MTREX: variants seen among roughly 807,000 people sequenced by gnomAD.
MTREX encodes the protein exosome RNA helicase MTR4.
MTREX carries 76 observed loss-of-function variants against 135.4 expected under a neutral mutation model. The observed-to-expected ratio is 0.56, with a 90% confidence interval of 0.47 to 0.68. MTREX has a LOEUF of 0.68. Ranked by LOEUF, MTREX falls within the 30% of genes least tolerant of loss-of-function variation. MTREX has a pLI of 0.00. For missense variants in MTREX, 920 were observed against 1,262.1 expected, an observed-to-expected ratio of 0.73 and a Z score of 4.11; for synonymous variants, 404 against 401.6, an observed-to-expected ratio of 1.01 and a Z score of -0.07.
intron 1 of MTREX, among the ~76,000 whole-genome samples, chr5:55,313,481 ATAAT>A (rs1749149342): frequency 6.6e-6 from 1 of 152,150 alleles, no homozygotes; most frequent in Non-Finnish European, 1.5e-5. Flanking sequence ...TGACAATTAC[ATAAT>A]TAAACTTTTT....
At chr5:55,328,174 T>G (rs571255940) in intron 4 of MTREX, among the ~76,000 whole-genome samples, 11 of 152,216 alleles carry the variant, frequency 7.2e-5, no homozygotes, top group African/African-American at 2.4e-4. Flanking sequence ...GCCAAGAAAT[T>G]TTTAAGGTTT....
At chr5:55,326,651 A>C (rs991968059) in intron 3 of MTREX, among the ~76,000 whole-genome samples, 4 of 152,098 alleles carry the variant, frequency 2.6e-5, no homozygotes, top group Admixed American at 6.5e-5. Flanking sequence ...TTGTTCTGCC[A>C]GTATTCTTGG....
chr5:55,424,875 A>T lies in MTREX; in HGVS notation c.*103A>T. The T allele has an allele frequency of 1.3e-6, 1 of 779,340 alleles. No individual in the cohort carries two copies. The highest frequency in any genetic ancestry group is 2.2e-6 in the Non-Finnish European group (1 of 461,068). The allele number at this position is 779,340 out of a possible 1,614,324, so 48.3% of individuals were successfully genotyped here. On this transcript the variant is annotated 3_prime_UTR_variant, in exon 27 of 27. Coordinates refer to ENST00000230640, the MANE Select transcript of MTREX (RefSeq NM_015360.5). Reference sequence around the variant, plus strand: ...TGGATTTGGTTCTCCCATACATTTTAATATGTATTATATTTAAATCAAACA... The same window carrying T: ...TGGATTTGGTTCTCCCATACATTTTTATATGTATTATATTTAAATCAAACA...
intron 1 of MTREX, among the ~76,000 whole-genome samples, chr5:55,317,292 T>G (rs1240926379): frequency 6.6e-6 from 1 of 152,116 alleles, no homozygotes; most frequent in Non-Finnish European, 1.5e-5. Flanking sequence ...AAAACTACTT[T>G]AAAATTTATA....
intron 3 of MTREX, 97 bp downstream of exon 3, chr5:55,324,295 C>A (rs917912431): frequency 2.6e-6 from 2 of 757,780 alleles, no homozygotes; most frequent in Admixed American, 4.9e-5. Context: ...GCCATGAGGA[C>A]CTTGGAAACA....
intron 16 of MTREX, among the ~76,000 whole-genome samples, chr5:55,369,305 G>A (rs1248872699): frequency 6.6e-6 from 1 of 152,042 alleles, no homozygotes; most frequent in East Asian, 1.9e-4. Flanking sequence ...ACTTAAAAAA[G>A]GAAATTAAAG....
At chr5:55,346,871 A>G in intron 10 of MTREX, 142 bp from the exon 11 acceptor site, 1 of 597,366 alleles carries the variant, frequency 1.7e-6, no homozygotes, top group East Asian at 3.5e-5. Context: ...TTGTTGTCAT[A>G]TCTAAGAATG....
At chr5:55,354,397 T>C (rs1749876935) in intron 14 of MTREX, among the ~76,000 whole-genome samples, 1 of 152,160 alleles carries the variant, frequency 6.6e-6, no homozygotes, top group Non-Finnish European at 1.5e-5. Context: ...GATTTCTAGT[T>C]TGAATTCACA....
chr5:55,365,444 CT>C (rs1750086691), intron 15 of MTREX, among the ~76,000 whole-genome samples: 1 of 152,034 alleles, frequency 6.6e-6, no homozygotes, highest in South Asian at 2.1e-4. Context: ...GAAGTCTCCC[CT>C]TTTTCTGCAT....
intron 6 of MTREX, 22 bp from the exon 7 acceptor site, chr5:55,341,659 C>A (rs1749651109): frequency 2.2e-6 from 3 of 1,369,646 alleles, no homozygotes; most frequent in East Asian, 2.3e-5. Context: ...CAACTAAATA[C>A]ATTTTTTACT....
At chr5:55,402,401 G>A (rs1028800955) in intron 21 of MTREX, among the ~76,000 whole-genome samples, 6 of 152,150 alleles carry the variant, frequency 3.9e-5, no homozygotes, top group African/African-American at 7.2e-5. Context: ...CACCAGGGTC[G>A]GCCTTATGTT....
In MTREX at chr5:55,405,548, G is replaced by A. The variant is rs373764534; in HGVS notation, c.2605G>A (p.Val869Ile). The A allele has an allele frequency of 6.8e-6, 11 of 1,613,604 alleles. No individual in the cohort carries two copies. Among genetic ancestry groups the A allele is most frequent in the African/African-American group, 1.3e-5 (1 of 74,916 alleles). ...RRLGFATSSD[V>I]IEMKGRVACE... ...GTTGGGATTTGCTACTTCTTCTGATGTAATAGAGATGAAAGGACGAGTGGC... is the reference window on the plus strand; with the variant it reads ...GTTGGGATTTGCTACTTCTTCTGATATAATAGAGATGAAAGGACGAGTGGC... The change falls in exon 22 of 27, where the codon GTA (valine) becomes ATA (isoleucine). Residue 869 changes from valine to isoleucine, a missense_variant. Physicochemically the swap from Val to Ile is conservative, Grantham distance 29. This residue lies in a region of MTREX where 467 missense variants were observed against 589.7 expected (regional missense o/e 0.79). Coordinates refer to ENST00000230640, the MANE Select transcript of MTREX (RefSeq NM_015360.5).
intron 24 of MTREX, among the ~76,000 whole-genome samples, chr5:55,415,203 G>A (rs1417680693): frequency 6.6e-6 from 1 of 151,918 alleles, no homozygotes. Flanking sequence ...GAGAGTGGGA[G>A]GAAGGAGAGG....
chr5:55,332,673 C>G (rs1421270491), intron 5 of MTREX, among the ~76,000 whole-genome samples: 1 of 152,154 alleles, frequency 6.6e-6, no homozygotes, highest in African/African-American at 2.4e-5. Context: ...GGGCCCACCC[C>G]CTTGATAATT....
chr5:55,378,953 A>AT (rs1298615097), intron 17 of MTREX, among the ~76,000 whole-genome samples, 174 bp from the exon 18 acceptor site: 3 of 152,058 alleles, frequency 2.0e-5, no homozygotes, highest in African/African-American at 7.2e-5. Flanking sequence ...TTTGGCATTG[A>AT]TTTTTTTCCT....
chr5:55,324,024 A>G lies in MTREX; in HGVS notation c.273-108A>G, dbSNP rs1297496127. The stretch of plus-strand genomic sequence containing the variant: ...AGCCAAAGTTTTTCCTATTTGGAAT[A>G]CTGATGATTGGACAGTGTCATTTTC... On this transcript the variant is annotated intron_variant, in intron 2 of 26. Transcript: ENST00000230640. The G allele has an allele frequency of 9.4e-6, 7 of 741,718 alleles. No individual in the cohort carries two copies. In the East Asian group the frequency reaches 1.1e-4, roughly 12 times the overall value. 45.9% of individuals were successfully genotyped at this position (741,718 alleles called of 1,614,324 possible).
At chr5:55,404,357 A>T (rs1471552580) in intron 21 of MTREX, among the ~76,000 whole-genome samples, 2 of 152,234 alleles carry the variant, frequency 1.3e-5, no homozygotes, top group African/African-American at 4.8e-5. Context: ...AAAGGATGAC[A>T]TCAAGGTGAT....
chr5:55,376,248 C>G (rs1050703636), intron 16 of MTREX, among the ~76,000 whole-genome samples: 1 of 152,182 alleles, frequency 6.6e-6, no homozygotes, highest in Non-Finnish European at 1.5e-5. Flanking sequence ...TGACCATTTC[C>G]CATGAATGAT....
At chr5:55,357,412 G>T in intron 14 of MTREX, 1 of 153,974 alleles carries the variant, frequency 6.5e-6, no homozygotes, top group South Asian at 2.0e-4. Context: ...CCTCTATGAT[G>T]AAGTGCTTAT....
Sources: gnomAD v4.1 joint callset for allele counts (sites outside exome capture counted in the v4.1 genomes callset) on GRCh38, gnomAD v4.1.1 for gene constraint, gnomAD v4.1.1 regional missense constraint, MANE v1.5 for transcripts, NCBI Gene and HGNC (gene_info 2026-07-23, HGNC 2026-07-21) for gene names.